Variants in NFATC2 observed in about 807,000 individuals in gnomAD.
NFATC2 encodes nuclear factor of activated T-cells, cytoplasmic 2.
NFATC2 carries 22 observed loss-of-function variants against 87.3 expected under a neutral mutation model. The ratio of observed to expected loss-of-function variants is 0.25; its 90% CI spans 0.18 to 0.36. NFATC2 has a LOEUF of 0.36. Ranked by LOEUF, NFATC2 falls within the 10% of genes least tolerant of loss-of-function variation. The pLI is 1.00. For missense variants in NFATC2, 1,149 were observed against 1,259.1 expected (o/e 0.91, Z 1.32); for synonymous variants, 565 against 542.2 (o/e 1.04, Z -0.58).
At chr20:51,547,542 C>T (rs994972021), upstream of NFATC2, among the ~76,000 whole-genome samples, 1 of 152,136 alleles carries the variant, frequency 6.6e-6, no homozygotes, top group Non-Finnish European at 1.5e-5. Context: ...TGGTAGAAAG[C>T]TCATTTTTAT....
At chr20:51,400,580 G>T (rs546780664) in intron 9 of NFATC2, among the ~76,000 whole-genome samples, 9 of 152,182 alleles carry the variant, frequency 5.9e-5, no homozygotes, top group Non-Finnish European at 1.3e-4. Flanking sequence ...TGCAGCATTC[G>T]GAGGTGCAGC....
chr20:51,398,728 G>A lies in NFATC2; in HGVS notation c.2725C>T (p.Leu909=). 1 of 1,607,800 alleles carries A rather than the reference G, an allele frequency of 6.2e-7. No individual in the cohort carries two copies. The highest frequency in any genetic ancestry group is 1.1e-5 in the South Asian group (1 of 90,838). ...ATCCAGCTAAGGTGTGTGTCTATCA[G>A]CTCTGAAAAAGATTTGCAAAATCAT... ...NLDQTYLDDE[L]IDTHLSWIQN... is the part of the protein sequence containing the mutation. Residue 909 remains leucine (L), a splice_region_variant and synonymous_variant, in exon 10 of 11, where the codon CTG becomes TTG. Transcript: ENST00000371564.
Position 51,486,456 on chromosome 20 carries a change from G to A in NFATC2, c.1333-10796C>T, listed in dbSNP as rs529458604. Among the ~76,000 whole-genome samples the A allele has an allele frequency of 7.2e-5, 11 of 152,260 alleles. No individual in the cohort carries two copies. The South Asian group carries it at 2.1e-3, about 29-fold the overall frequency. ...GTTCCTCCTGATCCTTCAGGTCTCA[G>A]CCTAAATGCAGGGCCCTCCCTGGGT... On this transcript the variant is annotated intron_variant, in intron 3 of 10. Transcript: ENST00000371564.
chr20:51,475,393 CCCTGCCA>C, intron 4 of NFATC2, 58 bp downstream of exon 4: 1 of 1,539,806 alleles, frequency 6.5e-7, no homozygotes, highest in Non-Finnish European at 9.0e-7. Context: ...TCTCCCAAAT[CCCTGCCA>C]CCTGCCCCCT....
At position 51,389,760 on chromosome 20, in the gene NFATC2, A is replaced by G. The variant is rs1986125481; in HGVS notation, c.*1736T>C. On this transcript the variant is annotated 3_prime_UTR_variant, in exon 11 of 11. Transcript: ENST00000371564. ...AACACACCTGGCCCCACTCCCAGGA[A>G]GCTTTTACCTCTGGGTAACCTTGAC... The G allele has an allele frequency of 6.6e-6, 1 of 152,176 alleles. No individual in the cohort carries two copies. Among genetic ancestry groups the G allele is most frequent in the Non-Finnish European group, 1.5e-5 (1 of 68,032 alleles). 9.4% of individuals were successfully genotyped at this position (152,176 alleles called of 1,614,324 possible).
chr20:51,431,549 G>C (rs1982707080), intron 9 of NFATC2, among the ~76,000 whole-genome samples: 1 of 152,204 alleles, frequency 6.6e-6, no homozygotes, highest in Non-Finnish European at 1.5e-5. Flanking sequence ...GGGTAGAGAA[G>C]TGCCCGCAGC....
At chr20:51,478,775 G>A (rs1988976934) in intron 3 of NFATC2, among the ~76,000 whole-genome samples, 1 of 152,160 alleles carries the variant, frequency 6.6e-6, no homozygotes, top group African/African-American at 2.4e-5. Context: ...CCCAGCCTCT[G>A]CCTTCTCCTC....
intron 1 of NFATC2, among the ~76,000 whole-genome samples, chr20:51,525,397 C>G (rs1452682621): frequency 1.3e-5 from 2 of 152,124 alleles, no homozygotes; most frequent in Non-Finnish European, 2.9e-5. Context: ...CACTGCCACC[C>G]ATCACCTCAC....
intron 9 of NFATC2, among the ~76,000 whole-genome samples, chr20:51,419,577 C>T (rs771700609): frequency 2.6e-5 from 4 of 152,186 alleles, no homozygotes; most frequent in Non-Finnish European, 2.9e-5. Flanking sequence ...TGTGCTGTTA[C>T]AAGAGGAAGA....
intron 8 of NFATC2, among the ~76,000 whole-genome samples, chr20:51,433,722 C>T (rs962652070): frequency 6.6e-6 from 1 of 150,806 alleles, no homozygotes; most frequent in East Asian, 1.9e-4. Flanking sequence ...AGTGTGTGTG[C>T]ATGTGTGTGT....
At chr20:51,491,609 G>T (rs551079032) in intron 3 of NFATC2, among the ~76,000 whole-genome samples, 1 of 152,042 alleles carries the variant, frequency 6.6e-6, no homozygotes, top group South Asian at 2.1e-4. Context: ...TGCTACCTCC[G>T]CCATGTGGAT....
At chr20:51,451,784 C>T (rs542404371) in intron 6 of NFATC2, among the ~76,000 whole-genome samples, 7 of 152,296 alleles carry the variant, frequency 4.6e-5, no homozygotes, top group East Asian at 3.9e-4. Flanking sequence ...AGGTTGTGCA[C>T]GCCTTAGGAG....
chr20:51,442,430 T>C (rs894284030), intron 6 of NFATC2, among the ~76,000 whole-genome samples: 1 of 151,974 alleles, frequency 6.6e-6, no homozygotes, highest in Non-Finnish European at 1.5e-5. Flanking sequence ...AGCCTCTGCC[T>C]CAAAAAAATA....
At position 51,432,542 on chromosome 20, in the gene NFATC2, G is replaced by A. The variant is rs145906106; in HGVS notation, c.2247C>T (p.Ala749=). The part of the protein sequence containing the change: ...DARYQQQNPA[A]VLYQRSKSLS... ...GGCTCTTGCTCCGCTGGTAGAGTAC[G>A]GCCGCTGGGTTCTGTTGCTGGTAGC... is the stretch of plus-strand genomic sequence containing the variant. The change falls in exon 9 of 11, where the codon GCC becomes GCT. Residue 749 remains alanine (A), a synonymous_variant. Coordinates refer to ENST00000371564, the MANE Select transcript of NFATC2 (RefSeq NM_012340.5). This position sits in a 1 kb window ranked among gnomAD's most constrained non-coding sequence, Gnocchi z 4.6. 1.7e-3 allele frequency: 2,637 copies of A among 1,549,364 alleles called. 21 individuals carry two copies. Among genetic ancestry groups the A allele is most frequent in the South Asian group, 0.012 (949 of 80,106 alleles).
At chr20:51,521,255 G>A (rs572285711) in intron 2 of NFATC2, among the ~76,000 whole-genome samples, 3 of 152,340 alleles carry the variant, frequency 2.0e-5, no homozygotes, top group South Asian at 2.1e-4. Flanking sequence ...GGCAGGGCCC[G>A]AGGCCACCCT....
intron 6 of NFATC2, among the ~76,000 whole-genome samples, chr20:51,451,185 T>C (rs560622763): frequency 6.6e-6 from 1 of 152,266 alleles, no homozygotes; most frequent in East Asian, 1.9e-4. Flanking sequence ...TGCACCCCAC[T>C]TTGCAGGACA....
At chr20:51,424,064 A>AGGGGAAACAAGAGAG (rs1301026162) in intron 9 of NFATC2, among the ~76,000 whole-genome samples, 2 of 152,130 alleles carry the variant, frequency 1.3e-5, no homozygotes, top group Non-Finnish European at 2.9e-5. Flanking sequence ...GAAACAAGAG[A>AGGGGAAACAAGAGAG]GGGAAACGAG....
chr20:51,470,104 C>T (rs1988063300), intron 5 of NFATC2, among the ~76,000 whole-genome samples: 1 of 152,122 alleles, frequency 6.6e-6, no homozygotes, highest in South Asian at 2.1e-4. Context: ...AGGGCAGGCC[C>T]TTGCAGCTGC....
chr20:51,432,522 T>C lies in NFATC2; in HGVS notation c.2267A>G (p.Lys756Arg). 2 of 1,556,776 alleles carry C rather than the reference T, an allele frequency of 1.3e-6. No individual in the cohort carries two copies. Among genetic ancestry groups the C allele is most frequent in the Non-Finnish European group, 1.7e-6 (2 of 1,153,376 alleles). ...NPAAVLYQRS[K>R]SLSPSLLGYQ... ...GCCCAGCAGGCTGGGGCTCAGGCTCTTGCTCCGCTGGTAGAGTACGGCCGC... is the reference window on the plus strand; with the variant it reads ...GCCCAGCAGGCTGGGGCTCAGGCTCCTGCTCCGCTGGTAGAGTACGGCCGC... Residue 756 changes from lysine (K) to arginine (R), a missense_variant, in exon 9 of 11, where the codon AAG becomes AGG. Coordinates refer to ENST00000371564, the MANE Select transcript of NFATC2 (RefSeq NM_012340.5). This position sits in a 1 kb window ranked among gnomAD's most constrained non-coding sequence, Gnocchi z 4.6.
Sources: allele counts gnomAD v4.1 joint callset (sites outside exome capture counted in the v4.1 genomes callset), GRCh38; gene constraint gnomAD v4.1.1; non-coding constraint Gnocchi (gnomAD v3.1); transcripts MANE v1.5; gene names NCBI Gene and HGNC (gene_info 2026-07-23, HGNC 2026-07-21).